The following STXBP5L variants were observed in gnomAD, a reference collection of about 807,000 sequenced individuals.
STXBP5L encodes syntaxin binding protein 5L, also known as syntaxin-binding protein 5-like.
Under a neutral mutation model 144.5 loss-of-function variants are expected in STXBP5L, and 65 were observed. The observed-to-expected ratio is 0.45, with a 90% CI of 0.37 to 0.55. STXBP5L has a LOEUF of 0.55. Ranked by LOEUF, STXBP5L falls within the 20% of genes least tolerant of loss-of-function variation. The pLI, the probability that STXBP5L is intolerant of heterozygous loss-of-function variation, is 0.00. For missense variants in STXBP5L, 1,298 were observed against 1,405.5 expected, an observed-to-expected ratio of 0.92 and a Z score of 1.22; for synonymous variants, 505 against 469.6, an observed-to-expected ratio of 1.08 and a Z score of -0.97.
intron 3 of STXBP5L, 53 bp from the exon 4 acceptor site, chr3:121,041,647 A>G: frequency 7.6e-7 from 1 of 1,319,114 alleles, no homozygotes; most frequent in Middle Eastern, 1.8e-4. Flanking sequence ...TTCTTTGCTC[A>G]TTAATATTGG....
chr3:121,164,937 T>A (rs1025147013), intron 9 of STXBP5L, among the ~76,000 whole-genome samples: 1 of 152,064 alleles, frequency 6.6e-6, no homozygotes. Flanking sequence ...GTAGCAGATA[T>A]ATAGAAGAAA....
At chr3:121,063,266 A>G (rs2041373021) in intron 5 of STXBP5L, among the ~76,000 whole-genome samples, 1 of 151,842 alleles carries the variant, frequency 6.6e-6, no homozygotes, top group Admixed American at 6.6e-5. Flanking sequence ...CAGTCAGGCC[A>G]TCTGCTGGAG....
intron 7 of STXBP5L, among the ~76,000 whole-genome samples, chr3:121,145,872 G>A (rs1518597): frequency 0.51 from 77,539 of 151,762 alleles, 20,269 homozygotes; most frequent in Admixed American, 0.6. Context: ...GAATTAGTAG[G>A]CTGAGTGAAG....
chr3:121,094,670 G>T (rs957489771), intron 5 of STXBP5L, among the ~76,000 whole-genome samples: 1 of 152,044 alleles, frequency 6.6e-6, no homozygotes, highest in African/African-American at 2.4e-5. Flanking sequence ...GTGTGTCTCT[G>T]CACGTGAGAT....
At chr3:120,946,229 A>T (rs999545641) in intron 2 of STXBP5L, among the ~76,000 whole-genome samples, 1 of 151,162 alleles carries the variant, frequency 6.6e-6, no homozygotes, top group Non-Finnish European at 1.5e-5. Context: ...TCTGTCTTTT[A>T]TGAATATGTC....
rs150728191 is a variant in STXBP5L at position 120,979,701 on chromosome 3, C to T, written c.287+24664C>T. Among the ~76,000 whole-genome samples, 84 of 152,184 alleles carry T rather than the reference C, an allele frequency of 5.5e-4. 1 individual carries two copies. In the South Asian group the frequency reaches 0.012, roughly 21 times the overall value. On this transcript the variant is annotated intron_variant, in intron 3 of 26. Coordinates refer to ENST00000471454, the MANE Select transcript of STXBP5L (RefSeq NM_001308330.2). ...ATTTGGCCATCTTGACTGCCAGCTC[C>T]GATCCTTTGTATTTTTGTTTGGTCT...
intron 3 of STXBP5L, among the ~76,000 whole-genome samples, chr3:120,985,748 G>T (rs191320807): frequency 5.9e-5 from 9 of 151,844 alleles, no homozygotes; most frequent in South Asian, 4.2e-4. Flanking sequence ...TTTTATTTCT[G>T]TATAATGAGT....
rs141297662 is a variant in STXBP5L, at chr3:121,209,090, A to G, written c.956+3089A>G. On this transcript the variant is annotated intron_variant, in intron 10 of 26. Transcript: ENST00000471454. ...AGCTTCATCCATGTCCCTGCAAAGG[A>G]CATGAACTTGTCTTTTTTAATAGCT... Among the ~76,000 whole-genome samples, 63 of 152,308 alleles carry G rather than the reference A, an allele frequency of 4.1e-4. No homozygotes were observed. The East Asian group carries it at 0.012, about 29-fold the overall frequency.
At chr3:121,010,680 C>T (rs190509939) in intron 3 of STXBP5L, among the ~76,000 whole-genome samples, 17 of 151,956 alleles carry the variant, frequency 1.1e-4, no homozygotes, top group Admixed American at 1.1e-3. Flanking sequence ...ATAACATAAA[C>T]AGTCAATTAA....
intron 21 of STXBP5L, 73 bp downstream of exon 21, chr3:121,378,959 G>T (rs1576321688): frequency 1.4e-6 from 2 of 1,438,752 alleles, no homozygotes; most frequent in South Asian, 2.7e-5. Context: ...ACAGAGATAT[G>T]GGATGGAGAT....
chr3:120,977,641 G>A (rs536828002), intron 3 of STXBP5L, among the ~76,000 whole-genome samples: 6 of 152,236 alleles, frequency 3.9e-5, no homozygotes, highest in Admixed American at 2.6e-4. Flanking sequence ...TCCTAGCTTC[G>A]ATGGTCTTTA....
At chr3:120,977,008 A>G (rs1941119041) in intron 3 of STXBP5L, among the ~76,000 whole-genome samples, 3 of 152,000 alleles carry the variant, frequency 2.0e-5, no homozygotes, top group Admixed American at 2.0e-4. Flanking sequence ...GTGCTGAAAA[A>G]TATGTATATT....
At chr3:120,935,709 A>C (rs1259391759) in intron 2 of STXBP5L, among the ~76,000 whole-genome samples, 1 of 151,864 alleles carries the variant, frequency 6.6e-6, no homozygotes, top group Non-Finnish European at 1.5e-5. Context: ...TATGGTTTGC[A>C]TTGTTCCTGA....
chr3:121,320,818 A>C (rs1022254988), intron 20 of STXBP5L, among the ~76,000 whole-genome samples: 3 of 151,266 alleles, frequency 2.0e-5, no homozygotes, highest in African/African-American at 7.3e-5. Context: ...CTCCTGCCTC[A>C]GCCTCCCAAG....
chr3:120,960,909 T>TAA (rs200429145), intron 3 of STXBP5L, among the ~76,000 whole-genome samples: 1 of 147,586 alleles, frequency 6.8e-6, no homozygotes, highest in African/African-American at 2.5e-5. Context: ...TAAAGTATAA[T>TAA]AAAAAAAAAA....
intron 3 of STXBP5L, among the ~76,000 whole-genome samples, chr3:121,022,568 A>T (rs764008873): frequency 2.4e-4 from 36 of 152,316 alleles, no homozygotes; most frequent in Non-Finnish European, 5.0e-4. Context: ...ACCATGATCA[A>T]GTGGGTTTCA....
intron 20 of STXBP5L, among the ~76,000 whole-genome samples, chr3:121,353,104 T>C (rs2045362630): frequency 6.6e-6 from 1 of 152,222 alleles, no homozygotes; most frequent in Non-Finnish European, 1.5e-5. Flanking sequence ...TTGAGGATTT[T>C]TGCATCCATG....
chr3:121,163,943 G>A (rs536729796), intron 9 of STXBP5L, among the ~76,000 whole-genome samples: 1 of 152,132 alleles, frequency 6.6e-6, no homozygotes, highest in East Asian at 1.9e-4. Context: ...TAAAAAACAG[G>A]TTTATTGGGG....
intron 3 of STXBP5L, among the ~76,000 whole-genome samples, chr3:120,983,595 G>T (rs549328831): frequency 6.6e-6 from 1 of 152,144 alleles, no homozygotes; most frequent in Non-Finnish European, 1.5e-5. Flanking sequence ...AAATGCCTTT[G>T]TGTAATTTCT....
Sources: allele counts gnomAD v4.1 joint callset (sites outside exome capture counted in the v4.1 genomes callset), GRCh38; gene constraint gnomAD v4.1.1; transcripts MANE v1.5; gene names NCBI Gene and HGNC (gene_info 2026-07-23, HGNC 2026-07-21).